Variants in DIAPH2 observed in about 807,000 individuals in gnomAD.
DIAPH2 encodes the protein protein diaphanous homolog 2.
DIAPH2 carries 35 observed loss-of-function variants against 92.7 expected under a neutral mutation model. That is an observed-to-expected ratio of 0.38 (90% CI 0.29 to 0.50). DIAPH2 has a LOEUF of 0.50. Among genes scored for constraint, DIAPH2 ranks in the 20% least tolerant of loss-of-function variants. The pLI, the probability that DIAPH2 is intolerant of heterozygous loss-of-function variation, is 0.94. For synonymous variants in DIAPH2, 301 were observed against 280.4 expected (o/e 1.07, Z -0.73); for missense variants, 701 against 819.5 (o/e 0.86, Z 1.77).
chrX:96,916,300 T>C (rs1256590448), intron 7 of DIAPH2, 138 bp from the exon 8 acceptor site: 2 of 514,793 alleles, frequency 3.9e-6, no homozygotes, highest in African/African-American at 5.0e-5. Context: ...ATAACTGCAT[T>C]TGAAGAATAT....
chrX:96,706,966 T>C (rs1282520345), intron 1 of DIAPH2, among the ~76,000 whole-genome samples: 1 of 110,541 alleles, frequency 9.0e-6, no homozygotes, highest in African/African-American at 3.3e-5. Context: ...CTCTGGAGGA[T>C]AGGAGATTCT....
chrX:97,519,616 A>G (rs1206225345), intron 26 of DIAPH2, among the ~76,000 whole-genome samples: 2 of 112,773 alleles, frequency 1.8e-5, no homozygotes, highest in Non-Finnish European at 3.8e-5. Context: ...GTAATTTTCA[A>G]CAGAGGTTAC....
intron 4 of DIAPH2, among the ~76,000 whole-genome samples, chrX:96,861,738 A>G (rs1448223013): frequency 8.9e-6 from 1 of 112,083 alleles, no homozygotes; most frequent in Non-Finnish European, 1.9e-5. Flanking sequence ...TCTGCTCCCC[A>G]GCAAATAAAT....
rs550944980 is a variant in DIAPH2, at chrX:97,571,850, G to A, written c.3242-27403G>A. On this transcript the variant is annotated intron_variant, in intron 26 of 26. Coordinates refer to ENST00000324765, the MANE Select transcript of DIAPH2 (RefSeq NM_006729.5). ...CCCTTCTTTAATAAAATATTGTAAG[G>A]TATAGCTAGAAAGTTTCCCCTTGGA... 1.3e-4 allele frequency among the ~76,000 whole-genome samples: 14 copies of A among 111,713 alleles called. 1 individual carries two copies. The highest frequency in any genetic ancestry group is 6.5e-5 in the African/African-American group (2 of 30,798).
intron 17 of DIAPH2, among the ~76,000 whole-genome samples, chrX:97,058,302 A>G (rs1457545074): frequency 9.0e-6 from 1 of 111,176 alleles, no homozygotes; most frequent in African/African-American, 3.3e-5. Context: ...TGTCTCCTTC[A>G]CACTATATAG....
chrX:97,272,628 A>G (rs1391165695), intron 23 of DIAPH2, among the ~76,000 whole-genome samples: 1 of 111,700 alleles, frequency 9.0e-6, no homozygotes, highest in Non-Finnish European at 1.9e-5. Flanking sequence ...TTCATTAATA[A>G]TCTGTAAGGA....
chrX:97,403,198 T>C (rs955285135), intron 25 of DIAPH2, among the ~76,000 whole-genome samples: 5 of 112,125 alleles, frequency 4.5e-5, no homozygotes, highest in African/African-American at 1.6e-4. Context: ...AAAATGAATG[T>C]TTTGACTTGA....
chrX:97,316,162 T>C (rs781199141), intron 23 of DIAPH2, among the ~76,000 whole-genome samples: 81 of 111,497 alleles, frequency 7.3e-4, no homozygotes, highest in Non-Finnish European at 1.2e-3. Flanking sequence ...TGGTTTGCCT[T>C]AGCAACCTTG....
chrX:97,039,476 T>C (rs1225589728), intron 17 of DIAPH2, among the ~76,000 whole-genome samples: 4 of 111,595 alleles, frequency 3.6e-5, no homozygotes, highest in Non-Finnish European at 7.5e-5. Context: ...GATAAAAATT[T>C]TGCATTAGTT....
At chrX:96,907,477 T>C (rs1418022975) in intron 5 of DIAPH2, among the ~76,000 whole-genome samples, 1 of 112,257 alleles carries the variant, frequency 8.9e-6, no homozygotes, top group Non-Finnish European at 1.9e-5. Context: ...GGTCCTCTTT[T>C]AGTAATTTCT....
chrX:97,173,581 C>G (rs1404932774), intron 22 of DIAPH2, among the ~76,000 whole-genome samples: 3 of 111,105 alleles, frequency 2.7e-5, no homozygotes, highest in African/African-American at 9.8e-5. Flanking sequence ...ATTCACAAAT[C>G]ATAAGTGTTC....
intron 17 of DIAPH2, among the ~76,000 whole-genome samples, chrX:97,033,897 A>ACTT (rs1841454189): frequency 9.0e-6 from 1 of 111,717 alleles, no homozygotes; most frequent in South Asian, 3.7e-4. Context: ...TTTGATGATG[A>ACTT]CTTCTAATAC....
chrX:97,386,979 C>G (rs2069608787), intron 25 of DIAPH2, among the ~76,000 whole-genome samples: 1 of 110,917 alleles, frequency 9.0e-6, no homozygotes, highest in African/African-American at 3.3e-5. Context: ...CTATGGGAAG[C>G]CCATGAATGT....
intron 4 of DIAPH2, among the ~76,000 whole-genome samples, chrX:96,767,237 A>G (rs1458372109): frequency 9.0e-6 from 1 of 111,261 alleles, no homozygotes; most frequent in Admixed American, 9.6e-5. Context: ...ATATCCTTAA[A>G]TAATACTGTC....
In DIAPH2 at chrX:97,514,352, C is replaced by G. The variant is rs1261869943; in HGVS notation, c.3241+84607C>G. On this transcript the variant is annotated intron_variant, in intron 26 of 26. Transcript: ENST00000324765. ...CACGTAGTTCTCGAGCCTTGGTTTTCAGCTCCATCAGCTCCTTTAAGCACT... is the reference window on the plus strand; with the variant it reads ...CACGTAGTTCTCGAGCCTTGGTTTTGAGCTCCATCAGCTCCTTTAAGCACT... 2.4e-4 allele frequency among the ~76,000 whole-genome samples: 27 copies of G among 111,995 alleles called. 2 individuals carry two copies. Among genetic ancestry groups the G allele is most frequent in the African/African-American group, 7.7e-4 (24 of 30,972 alleles).
intron 26 of DIAPH2, among the ~76,000 whole-genome samples, chrX:97,461,614 T>C (rs1334612960): frequency 1.8e-5 from 2 of 111,385 alleles, no homozygotes; most frequent in Non-Finnish European, 3.8e-5. Flanking sequence ...AAGAATTAGA[T>C]AAAGCAGCTT....
intron 22 of DIAPH2, among the ~76,000 whole-genome samples, chrX:97,228,881 C>T (rs1000722823): frequency 1.8e-5 from 2 of 111,893 alleles, no homozygotes. Context: ...ATGTGATTTG[C>T]ATATTTAAAG....
chrX:97,155,702 A>C (rs1405431559), intron 22 of DIAPH2, among the ~76,000 whole-genome samples: 1 of 111,473 alleles, frequency 9.0e-6, no homozygotes. Flanking sequence ...TGAAAAATGC[A>C]CTGAGGAAAA....
intron 26 of DIAPH2, chrX:97,528,280 C>T (rs1474614457): frequency 8.9e-6 from 1 of 111,944 alleles, no homozygotes; most frequent in Non-Finnish European, 1.9e-5. Flanking sequence ...TATTTATTTG[C>T]TTTTGTTGTT....
Sources: gnomAD v4.1 joint callset for allele counts (sites outside exome capture counted in the v4.1 genomes callset) on GRCh38, gnomAD v4.1.1 for gene constraint, MANE v1.5 for transcripts, NCBI Gene and HGNC (gene_info 2026-07-23, HGNC 2026-07-21) for gene names.